Variants in TMEFF2 observed in about 807,000 individuals in gnomAD.
The protein encoded by TMEFF2 is transmembrane protein with EGF like and two follistatin like domains 2, also known as tomoregulin-2.
In TMEFF2, 28 loss-of-function variants were observed where a neutral mutation model predicts 53.8. That is an observed-to-expected ratio of 0.52 (90% CI 0.39 to 0.71). The LOEUF is 0.71. Ranked by LOEUF, TMEFF2 falls within the 30% of genes least tolerant of loss-of-function variation. TMEFF2 has a pLI of 0.00. For synonymous variants in TMEFF2, 162 were observed against 166.3 expected, an observed-to-expected ratio of 0.97 and a Z score of 0.20; for missense variants, 353 against 455.2, an observed-to-expected ratio of 0.78 and a Z score of 2.04.
chr2:192,080,740 C>T (rs184696165), intron 4 of TMEFF2, among the ~76,000 whole-genome samples: 376 of 152,182 alleles, frequency 2.5e-3, no homozygotes, highest in Admixed American at 3.7e-3. Context: ...ATCTCTTTTC[C>T]AAACCCCATA....
intron 2 of TMEFF2, among the ~76,000 whole-genome samples, chr2:192,187,395 T>C (rs1378109898): frequency 6.6e-6 from 1 of 152,216 alleles, no homozygotes; most frequent in Non-Finnish European, 1.5e-5. Flanking sequence ...AGTAGAGTTA[T>C]CATCTAACTC....
chr2:192,055,464 G>A (rs1021078440), intron 5 of TMEFF2, among the ~76,000 whole-genome samples: 1 of 152,044 alleles, frequency 6.6e-6, no homozygotes, highest in Non-Finnish European at 1.5e-5. Context: ...AAGGTCCCTA[G>A]GATGTTTTTT....
intron 2 of TMEFF2, among the ~76,000 whole-genome samples, chr2:192,189,357 A>G (rs1691402902): frequency 1.3e-5 from 2 of 151,798 alleles, no homozygotes; most frequent in African/African-American, 2.4e-5. Flanking sequence ...CAGCCTGGGT[A>G]ACGTGGTGAA....
At chr2:192,192,976 G>C (rs1208927343) in intron 1 of TMEFF2, among the ~76,000 whole-genome samples, 2 of 152,102 alleles carry the variant, frequency 1.3e-5, no homozygotes, top group Admixed American at 1.3e-4. Flanking sequence ...ACAATCTATT[G>C]ACCCAAATCT....
intron 4 of TMEFF2, among the ~76,000 whole-genome samples, chr2:192,142,063 T>A (rs574637605): frequency 4.1e-4 from 61 of 148,070 alleles, no homozygotes; most frequent in African/African-American, 1.5e-3. Flanking sequence ...CATTAGAATA[T>A]TTTTTAAAGA....
chr2:192,037,643 A>AGAG (rs1687361243), intron 5 of TMEFF2, among the ~76,000 whole-genome samples: 3 of 143,194 alleles, frequency 2.1e-5, no homozygotes, highest in African/African-American at 8.0e-5. Flanking sequence ...AAGAGAGAGA[A>AGAG]AGAGAGAGAG....
intron 7 of TMEFF2, among the ~76,000 whole-genome samples, chr2:191,990,534 T>C (rs986113251): frequency 1.7e-4 from 26 of 151,612 alleles, no homozygotes; most frequent in Admixed American, 7.9e-4. Flanking sequence ...CCTACTCTTC[T>C]TTAAGCTTCA....
chr2:192,067,348 A>T (rs955503719), intron 4 of TMEFF2, among the ~76,000 whole-genome samples: 4 of 151,836 alleles, frequency 2.6e-5, no homozygotes, highest in African/African-American at 7.2e-5. Flanking sequence ...GAGGGATGGC[A>T]GAGTATGTGG....
chr2:192,008,391 GATT>G (rs1162864347), intron 5 of TMEFF2, among the ~76,000 whole-genome samples: 2 of 152,132 alleles, frequency 1.3e-5, no homozygotes, highest in Non-Finnish European at 2.9e-5. Flanking sequence ...TTTTCCTCAG[GATT>G]ATTCTTTCTT....
intron 9 of TMEFF2, among the ~76,000 whole-genome samples, chr2:191,952,592 C>T (rs986354381): frequency 2.6e-5 from 4 of 152,094 alleles, no homozygotes; most frequent in Admixed American, 6.5e-5. Flanking sequence ...GAACTCAACT[C>T]GGCTTAGAGC....
chr2:192,119,915 G>A (rs1689507776), intron 4 of TMEFF2, among the ~76,000 whole-genome samples: 1 of 152,192 alleles, frequency 6.6e-6, no homozygotes, highest in South Asian at 2.1e-4. Flanking sequence ...TTAAATTACA[G>A]TGGCTGAGCC....
In TMEFF2 at chr2:191,957,272, C is replaced by T. The variant is rs530272965; in HGVS notation, c.746-894G>A. On this transcript the variant is annotated intron_variant, in intron 7 of 9. Coordinates refer to ENST00000272771, the MANE Select transcript of TMEFF2 (RefSeq NM_016192.4). Reference sequence around the variant, plus strand: ...TTAATATGTTCATTTTATGATAAAACTTTTGAGTTTTCCCTAAATCTGAAA... The same window carrying T: ...TTAATATGTTCATTTTATGATAAAATTTTTGAGTTTTCCCTAAATCTGAAA... Among the ~76,000 whole-genome samples the T allele has an allele frequency of 2.0e-5, 3 of 152,168 alleles. No homozygotes were observed. The South Asian group carries it at 6.2e-4, about 32-fold the overall frequency.
intron 4 of TMEFF2, among the ~76,000 whole-genome samples, chr2:192,094,933 T>A (rs1456060409): frequency 5.3e-5 from 8 of 152,234 alleles, no homozygotes; most frequent in Admixed American, 6.5e-5. Context: ...AGTTGGCAAT[T>A]GTTAGTGTAT....
chr2:192,063,705 C>G lies in TMEFF2; in HGVS notation c.440-5930G>C, dbSNP rs140111523. Among the ~76,000 whole-genome samples the G allele has an allele frequency of 3.8e-4, 57 of 151,764 alleles. 1 individual carries two copies. The East Asian group carries it at 0.011, about 28-fold the overall frequency. On this transcript the variant is annotated intron_variant, in intron 4 of 9. Coordinates refer to ENST00000272771, the MANE Select transcript of TMEFF2 (RefSeq NM_016192.4). ...TGCGTCTAGTTCTCTTTTGTTTTGT[C>G]AGTTTTTGTCTCATACTTGGGAGCT... is the stretch of plus-strand genomic sequence containing the variant.
intron 5 of TMEFF2, among the ~76,000 whole-genome samples, chr2:192,038,408 G>A (rs1687385254): frequency 6.6e-6 from 1 of 152,158 alleles, no homozygotes; most frequent in African/African-American, 2.4e-5. Flanking sequence ...AGAGTGTAGT[G>A]CACAAAGTAA....
At chr2:191,974,990 A>G (rs959796854) in intron 7 of TMEFF2, among the ~76,000 whole-genome samples, 3 of 152,128 alleles carry the variant, frequency 2.0e-5, no homozygotes, top group Non-Finnish European at 4.4e-5. Context: ...ATCATCCAAA[A>G]TGGTAAAAAA....
chr2:192,164,391 A>G (rs1258136293), intron 4 of TMEFF2, among the ~76,000 whole-genome samples: 1 of 152,090 alleles, frequency 6.6e-6, no homozygotes, highest in Non-Finnish European at 1.5e-5. Context: ...CACTCTTACC[A>G]CAAAACCTAG....
rs534261231 is a variant in TMEFF2, at chr2:192,094,804, C to T, written c.440-37029G>A. Among the ~76,000 whole-genome samples the T allele has an allele frequency of 5.9e-5, 9 of 152,094 alleles. No homozygotes were observed. The South Asian group carries it at 1.9e-3, about 32-fold the overall frequency. ...CTCCTCTAGTAACTGTTAAATTCACCTTAAGAATTATTACACTTTCTTTTT... is the reference window on the plus strand; with the variant it reads ...CTCCTCTAGTAACTGTTAAATTCACTTTAAGAATTATTACACTTTCTTTTT... On this transcript the variant is annotated intron_variant, in intron 4 of 9. Transcript: ENST00000272771.
At chr2:192,092,959 A>G (rs1034846528) in intron 4 of TMEFF2, among the ~76,000 whole-genome samples, 1 of 152,102 alleles carries the variant, frequency 6.6e-6, no homozygotes, top group African/African-American at 2.4e-5. Flanking sequence ...AAGACAATAG[A>G]GTTGTCTTGT....
Sources: allele counts gnomAD v4.1 joint callset (sites outside exome capture counted in the v4.1 genomes callset), GRCh38; gene constraint gnomAD v4.1.1; transcripts MANE v1.5; gene names NCBI Gene and HGNC (gene_info 2026-07-23, HGNC 2026-07-21).